FASTKD2: variants seen among roughly 807,000 people sequenced by gnomAD.
The protein encoded by FASTKD2 is FAST kinase domain-containing protein 2, mitochondrial.
In FASTKD2, 51 loss-of-function variants were observed where a neutral mutation model predicts 63.6. That is an observed-to-expected ratio of 0.80 (90% CI 0.64 to 1.01). The LOEUF (loss-of-function observed/expected upper bound fraction) is 1.01. FASTKD2 is among the 50% of genes least tolerant of loss of function. The pLI is 0.00. For missense variants in FASTKD2, 786 were observed against 831.1 expected (o/e 0.95, Z 0.67); for synonymous variants, 284 against 293.4 (o/e 0.97, Z 0.33).
In FASTKD2 at chr2:206,774,415, T is replaced by C; in HGVS notation, c.1427+18T>C. 6.6e-7 allele frequency: 1 copy of C among 1,516,930 alleles called. No individual in the cohort carries two copies. Among genetic ancestry groups the C allele is most frequent in the Non-Finnish European group, 9.1e-7 (1 of 1,097,950 alleles). The allele number at this position is 1,516,930 out of a possible 1,614,324, so 94.0% of individuals were successfully genotyped here. A position where few individuals can be genotyped will look rare whatever the true frequency, so the allele number is the denominator to read the frequency against. ...AACAAAGAGTATGTACTTGTTTTTT[T>C]TTACCTTTTTTATTGCCATATAACT... On this transcript the variant is annotated intron_variant, in intron 7 of 11. Coordinates refer to ENST00000402774, the MANE Select transcript of FASTKD2 (RefSeq NM_001136193.2).
intron 7 of FASTKD2, among the ~76,000 whole-genome samples, chr2:206,777,592 C>T (rs991273728): frequency 6.6e-6 from 1 of 152,090 alleles, no homozygotes; most frequent in East Asian, 1.9e-4. Context: ...CTGTGTTCAT[C>T]AGGGATATTG....
In FASTKD2 at chr2:206,770,107, G is replaced by A; in HGVS notation, c.794G>A (p.Cys265Tyr). Reference protein sequence around the residue: ...LRVTQERINECDEICLSVLST... With the variant: ...LRVTQERINEYDEICLSVLST... ...TTTCAATAGGAACGTATCAATGAGT[G>A]TGATGAGATATGCCTTTCAGTTTTG... The change falls in exon 3 of 12, where the codon TGT (cysteine) becomes TAT (tyrosine). Residue 265 changes from cysteine (C) to tyrosine (Y), a missense_variant. Transcript: ENST00000402774. 1 of 1,602,936 alleles carries A rather than the reference G, an allele frequency of 6.2e-7. No homozygotes were observed. Among genetic ancestry groups the A allele is most frequent in the Non-Finnish European group, 8.5e-7 (1 of 1,169,796 alleles).
chr2:206,785,234 G>A (rs867851134), intron 7 of FASTKD2, among the ~76,000 whole-genome samples: 1 of 152,276 alleles, frequency 6.6e-6, no homozygotes, highest in South Asian at 2.1e-4. Flanking sequence ...CAACACAAGG[G>A]AATTATAGGA....
At position 206,771,846 on chromosome 2, in the gene FASTKD2, T is replaced by A. The variant is rs1490542335; in HGVS notation, c.991-48T>A. 5.5e-6 allele frequency: 8 copies of A among 1,442,862 alleles called. No homozygotes were observed. In the South Asian group the frequency reaches 8.1e-5, roughly 15 times the overall value. The allele number at this position is 1,442,862 out of a possible 1,614,324, so 89.4% of individuals were successfully genotyped here. A position where few individuals can be genotyped will look rare whatever the true frequency, so the allele number is the denominator to read the frequency against. On this transcript the variant is annotated intron_variant, in intron 4 of 11. Coordinates refer to ENST00000402774, the MANE Select transcript of FASTKD2 (RefSeq NM_001136193.2). ...TCTCAATAAAAATAAAAGTTTAATT[T>A]ATTTTGTCACAGATAGTAAATTAAA...
chr2:206,779,414 T>C (rs1689909168), intron 7 of FASTKD2, among the ~76,000 whole-genome samples: 1 of 152,136 alleles, frequency 6.6e-6, no homozygotes, highest in African/African-American at 2.4e-5. Flanking sequence ...GTGTAATTTA[T>C]AAAGAAAAGA....
chr2:206,770,052 C>T (rs1388288745), intron 2 of FASTKD2, 39 bp from the exon 3 acceptor site: 1 of 1,283,010 alleles, frequency 7.8e-7, no homozygotes, highest in Non-Finnish European at 1.1e-6. Flanking sequence ...TTACTATGGG[C>T]TCATCACCTG....
rs1016520067 is a variant in FASTKD2 at position 206,793,078 on chromosome 2, C to T, written c.*1276C>T. Among the ~76,000 whole-genome samples the T allele has an allele frequency of 1.1e-4, 16 of 151,842 alleles. No homozygotes were observed. Among genetic ancestry groups the T allele is most frequent in the African/African-American group, 2.7e-4 (11 of 41,338 alleles). ...CTCTACTAAAATACAAAAAATTAGC[C>T]GGGCATGGTGGTGCATGCCTATAAT... On this transcript the variant is annotated 3_prime_UTR_variant, in exon 12 of 12. Coordinates refer to ENST00000402774, the MANE Select transcript of FASTKD2 (RefSeq NM_001136193.2).
chr2:206,795,605 CA>C lies in FASTKD2; in HGVS notation c.*3810del, dbSNP rs1482296198. Among the ~76,000 whole-genome samples the C allele has an allele frequency of 2.0e-5, 3 of 151,984 alleles. No homozygotes were observed. Among genetic ancestry groups the C allele is most frequent in the Non-Finnish European group, 4.4e-5 (3 of 67,998 alleles). ...GTGTGCCGTGACTCACTGGTGGATC[CA>C]AAAAAAGCTGAAGCCTACATTTCCC... is the stretch of plus-strand genomic sequence containing the variant. On this transcript the variant is annotated 3_prime_UTR_variant, in exon 12 of 12. Transcript: ENST00000402774.
chr2:206,782,069 T>C (rs1463500761), intron 7 of FASTKD2, among the ~76,000 whole-genome samples: 4 of 152,220 alleles, frequency 2.6e-5, no homozygotes, highest in Non-Finnish European at 5.9e-5. Context: ...TGTTCTTAAC[T>C]GCTCTCAGGC....
In FASTKD2 at chr2:206,786,718, T is replaced by G. The variant is rs562054542; in HGVS notation, c.1428-15T>G. 1 of 1,612,528 alleles carries G rather than the reference T, an allele frequency of 6.2e-7. No homozygotes were observed. Among genetic ancestry groups the G allele is most frequent in the African/African-American group, 1.3e-5 (1 of 75,018 alleles). On this transcript the variant is annotated splice_polypyrimidine_tract_variant and intron_variant, in intron 7 of 11. Transcript: ENST00000402774. ...TCTGTATATGTTGGGAAACTGACTT[T>G]TCTTTGTTCCCCAGACAGTTCGTGG...
At chr2:206,784,198 T>G (rs1690072963) in intron 7 of FASTKD2, among the ~76,000 whole-genome samples, 2 of 152,362 alleles carry the variant, frequency 1.3e-5, no homozygotes, top group East Asian at 3.9e-4. Context: ...TATTCCCTGC[T>G]CTTCCTAGAC....
intron 7 of FASTKD2, among the ~76,000 whole-genome samples, chr2:206,781,256 T>TAA: frequency 6.6e-6 from 1 of 151,448 alleles, no homozygotes. Context: ...AGACTCTTAT[T>TAA]AATCAGCTTA....
rs1329148659 is a variant in FASTKD2, at chr2:206,794,776, T to A, written c.*2974T>A. ...CTCAAATGCAATTGAACTATTCATA[T>A]CAAGTATTTCCAAATAACAATGACA... On this transcript the variant is annotated 3_prime_UTR_variant, in exon 12 of 12. Transcript: ENST00000402774. 6.6e-6 allele frequency among the ~76,000 whole-genome samples: 1 copy of A among 152,234 alleles called. No individual in the cohort carries two copies. Among genetic ancestry groups the A allele is most frequent in the Admixed American group, 6.5e-5 (1 of 15,290 alleles).
chr2:206,774,946 T>A (rs1355473595), intron 7 of FASTKD2, among the ~76,000 whole-genome samples: 1 of 152,012 alleles, frequency 6.6e-6, no homozygotes, highest in Non-Finnish European at 1.5e-5. Context: ...CATTGTAATC[T>A]CTGTTTCTAT....
chr2:206,783,698 C>T (rs1218049094), intron 7 of FASTKD2, among the ~76,000 whole-genome samples: 1 of 152,012 alleles, frequency 6.6e-6, no homozygotes, highest in Non-Finnish European at 1.5e-5. Context: ...GGGGGGATAA[C>T]AAAGGTAACA....
In FASTKD2 at chr2:206,766,911, T is replaced by A; in HGVS notation, c.218T>A (p.Ile73Asn). Residue 73 changes from isoleucine to asparagine, a missense_variant, in exon 2 of 12, where the codon ATC (isoleucine) becomes AAC (asparagine). Physicochemically the swap from Ile to Asn is moderately radical, Grantham distance 149. Coordinates refer to ENST00000402774, the MANE Select transcript of FASTKD2 (RefSeq NM_001136193.2). ...NFHNRMQSTD[I>N]IRYLFQDAFI... ...CATAACAGAATGCAATCAACTGATATCATTAGATATCTCTTTCAGGATGCA... is the reference window on the plus strand; with the variant it reads ...CATAACAGAATGCAATCAACTGATAACATTAGATATCTCTTTCAGGATGCA... 1 of 1,598,122 alleles carries A rather than the reference T, an allele frequency of 6.3e-7. No individual in the cohort carries two copies. The highest frequency in any genetic ancestry group is 1.3e-5 in the African/African-American group (1 of 74,304).
intron 7 of FASTKD2, chr2:206,786,496 G>C (rs1317737242): frequency 6.2e-6 from 3 of 486,408 alleles, no homozygotes; most frequent in African/African-American, 5.9e-5. Context: ...AATACCCATG[G>C]AGTTTTTTAG....
chr2:206,780,683 A>G (rs889238718), intron 7 of FASTKD2, among the ~76,000 whole-genome samples: 8 of 152,026 alleles, frequency 5.3e-5, no homozygotes, highest in Non-Finnish European at 1.0e-4. Flanking sequence ...TTCAGCCACT[A>G]TTTCCTTAAA....
Position 206,795,760 on chromosome 2 carries a change from A to C in FASTKD2, c.*3958A>C, listed in dbSNP as rs1243684446. ...CCAACAAACAGCCACAGAGCATTTT[A>C]TTTTTCTAGAAGAGCAATAACAGAG... is the stretch of plus-strand genomic sequence containing the variant. On this transcript the variant is annotated 3_prime_UTR_variant, in exon 12 of 12. Coordinates refer to ENST00000402774, the MANE Select transcript of FASTKD2 (RefSeq NM_001136193.2). 1.3e-5 allele frequency among the ~76,000 whole-genome samples: 2 copies of C among 152,174 alleles called. No individual in the cohort carries two copies. Among genetic ancestry groups the C allele is most frequent in the African/African-American group, 2.4e-5 (1 of 41,450 alleles).
Sources: allele counts gnomAD v4.1 joint callset (sites outside exome capture counted in the v4.1 genomes callset), GRCh38; gene constraint gnomAD v4.1.1; transcripts MANE v1.5; gene names NCBI Gene and HGNC (gene_info 2026-07-23, HGNC 2026-07-21).